Variants in TRAF5 observed in about 807,000 individuals in gnomAD.
TRAF5 encodes the protein TNF receptor associated factor 5.
A neutral mutation model predicts 64.5 loss-of-function variants in TRAF5; 48 were observed. That is an observed-to-expected ratio of 0.74 (90% confidence interval 0.59 to 0.95). The LOEUF (loss-of-function observed/expected upper bound fraction) is 0.95, where lower values mean the gene tolerates loss of function less well. TRAF5 is among the 40% of genes least tolerant of loss of function. TRAF5 has a pLI of 0.00. For missense variants in TRAF5, 545 were observed against 662.8 expected, an observed-to-expected ratio of 0.82 and a Z score of 1.95; for synonymous variants, 206 against 240.5, an observed-to-expected ratio of 0.86 and a Z score of 1.33.
At chr1:211,337,386 A>G (rs889867655) in intron 1 of TRAF5, among the ~76,000 whole-genome samples, 2 of 152,214 alleles carry the variant, frequency 1.3e-5, no homozygotes, top group African/African-American at 2.4e-5. Flanking sequence ...CAGTGTTGCC[A>G]GAGTGAGTAG....
At chr1:211,368,990 T>C (rs559125859) in intron 8 of TRAF5, 2 of 152,710 alleles carry the variant, frequency 1.3e-5, no homozygotes, top group African/African-American at 4.8e-5. Context: ...TGATCAGTAC[T>C]CTTTGGTGGT....
intron 1 of TRAF5, among the ~76,000 whole-genome samples, chr1:211,347,064 A>G (rs1206046615): frequency 6.6e-6 from 1 of 152,058 alleles, no homozygotes; most frequent in Admixed American, 6.6e-5. Context: ...GGTGATATAT[A>G]AGCTCTATTT....
Position 211,360,730 on chromosome 1 carries a change from A to T in TRAF5, c.572A>T (p.Tyr191Phe). The T allele has an allele frequency of 6.2e-7, 1 of 1,614,028 alleles. No individual in the cohort carries two copies. The change falls in exon 6 of 11, where the codon TAC becomes TTC. Residue 191 changes from tyrosine to phenylalanine, a missense_variant. Tyr to Phe is a conservative substitution (Grantham distance 22). Coordinates refer to ENST00000261464, the MANE Select transcript of TRAF5 (RefSeq NM_001033910.3). ...CATGAGGAAAACTTGTGTCCTGAAT[A>T]CCCAGTATTTTGTCCCAACAATTGT... ...QNHEENLCPE[Y>F]PVFCPNNCAK... is the part of the protein sequence containing the mutation.
intron 1 of TRAF5, among the ~76,000 whole-genome samples, chr1:211,338,484 G>T (rs184036486): frequency 1.7e-4 from 26 of 152,340 alleles, no homozygotes; most frequent in African/African-American, 6.3e-4. Flanking sequence ...CATGTGACCG[G>T]CACTGAATAA....
chr1:211,335,070 G>A (rs1373972507), intron 1 of TRAF5, among the ~76,000 whole-genome samples: 1 of 152,136 alleles, frequency 6.6e-6, no homozygotes, highest in East Asian at 1.9e-4. Flanking sequence ...GGTGACTAAA[G>A]ACCAAAGGAA....
In TRAF5 at chr1:211,372,631, AAC is replaced by A. The variant is rs1703577138; in HGVS notation, c.1604_1605del (p.Asn535SerfsTer4). On this transcript the variant is annotated frameshift_variant, in exon 11 of 11. Transcript: ENST00000261464. LOFTEE classifies it high-confidence loss of function. Reference protein sequence around the residue: ...VAHSVLENAKNAYIKDDTLFL... With the variant: ...VAHSVLENAKXAYIKDDTLFL... The stretch of plus-strand genomic sequence containing the variant: ...TCATTCTGTTTTGGAGAATGCCAAG[AAC>A]GCCTACATTAAAGATGACACTCTGT... The A allele has an allele frequency of 6.2e-7, 1 of 1,614,100 alleles. No individual in the cohort carries two copies. The highest frequency in any genetic ancestry group is 1.3e-5 in the African/African-American group (1 of 74,934).
intron 1 of TRAF5, among the ~76,000 whole-genome samples, chr1:211,336,371 C>T (rs142816714): frequency 6.0e-4 from 91 of 152,290 alleles, no homozygotes; most frequent in Non-Finnish European, 1.1e-3. Flanking sequence ...TCAGAGGGAG[C>T]GCTGCTCAGG....
chr1:211,329,337 G>GT (rs1702100518), intron 1 of TRAF5, among the ~76,000 whole-genome samples: 1 of 152,222 alleles, frequency 6.6e-6, no homozygotes, highest in Non-Finnish European at 1.5e-5. Flanking sequence ...GCAGAGAGAG[G>GT]TTGAGCTCCC....
chr1:211,357,587 T>TTCCC (rs1703007339), intron 4 of TRAF5: 1 of 151,520 alleles, frequency 6.6e-6, no homozygotes, highest in Non-Finnish European at 1.5e-5. Context: ...ATTCCTTGTT[T>TTCCC]CCCACCCACC....
intron 1 of TRAF5, among the ~76,000 whole-genome samples, chr1:211,352,462 GT>G (rs1320966777): frequency 0.013 from 1,440 of 109,948 alleles, 6 homozygotes; most frequent in Middle Eastern, 0.051. Context: ...AAAAAAAAAA[GT>G]TTTTTTTTTT....
intron 1 of TRAF5, among the ~76,000 whole-genome samples, chr1:211,328,938 A>G (rs1702089902): frequency 6.6e-6 from 1 of 152,124 alleles, no homozygotes; most frequent in African/African-American, 2.4e-5. Context: ...CCACTGCTGG[A>G]CCAGGATCAG....
intron 1 of TRAF5, among the ~76,000 whole-genome samples, chr1:211,352,261 A>G (rs1278055179): frequency 6.6e-6 from 1 of 152,034 alleles, no homozygotes; most frequent in East Asian, 1.9e-4. Context: ...GCAAAATGAG[A>G]GAGAGCTTGT....
At chr1:211,353,981 A>G (rs1572075294) in intron 2 of TRAF5, among the ~76,000 whole-genome samples, 1 of 152,300 alleles carries the variant, frequency 6.6e-6, no homozygotes, top group East Asian at 1.9e-4. Context: ...CCAAGCTTTG[A>G]AAGGGGGTTA....
chr1:211,327,402 G>A (rs532105837), intron 1 of TRAF5, among the ~76,000 whole-genome samples: 142 of 152,326 alleles, frequency 9.3e-4, no homozygotes, highest in Non-Finnish European at 1.7e-3. Context: ...GGATTGCAAG[G>A]AATGGAAGCC....
intron 3 of TRAF5, among the ~76,000 whole-genome samples, chr1:211,354,848 T>C (rs1309311347): frequency 6.6e-6 from 1 of 152,224 alleles, no homozygotes; most frequent in Non-Finnish European, 1.5e-5. Flanking sequence ...ATTTAGTTCC[T>C]TTGCTCATTT....
At chr1:211,372,100 CTTTTT>C in intron 10 of TRAF5, 23 bp from the exon 11 acceptor site, 6 of 1,263,834 alleles carry the variant, frequency 4.7e-6, no homozygotes, top group Non-Finnish European at 4.3e-6. Context: ...CCTATGGAAT[CTTTTT>C]TTTTTTTTTT....
At chr1:211,334,005 A>G (rs1170041960) in intron 1 of TRAF5, among the ~76,000 whole-genome samples, 1 of 152,192 alleles carries the variant, frequency 6.6e-6, no homozygotes, top group African/African-American at 2.4e-5. Context: ...TGCTAGGAGA[A>G]CTTACAGGAT....
chr1:211,346,065 C>G (rs1004285580), intron 1 of TRAF5, among the ~76,000 whole-genome samples: 4 of 152,210 alleles, frequency 2.6e-5, no homozygotes, highest in African/African-American at 7.2e-5. Flanking sequence ...GCTAACCATT[C>G]TAGAACTTTT....
chr1:211,365,359 T>A lies in TRAF5; in HGVS notation c.697-17T>A. The A allele has an allele frequency of 1.9e-6, 3 of 1,608,246 alleles. No individual in the cohort carries two copies. Among genetic ancestry groups the A allele is most frequent in the Non-Finnish European group, 2.5e-6 (3 of 1,177,594 alleles). ...AGCCTCTCAGCAACCTGACTTATTTTTCTCTTCATATTGAAGGATAAACGG... is the reference window on the plus strand; with the variant it reads ...AGCCTCTCAGCAACCTGACTTATTTATCTCTTCATATTGAAGGATAAACGG... On this transcript the variant is annotated splice_polypyrimidine_tract_variant and intron_variant, in intron 7 of 10. Coordinates refer to ENST00000261464, the MANE Select transcript of TRAF5 (RefSeq NM_001033910.3).
Sources: gnomAD v4.1 joint callset for allele counts (sites outside exome capture counted in the v4.1 genomes callset) on GRCh38, gnomAD v4.1.1 for gene constraint, MANE v1.5 for transcripts, NCBI Gene and HGNC (gene_info 2026-07-23, HGNC 2026-07-21) for gene names.